Variants in ASIC2 observed in about 807,000 individuals in gnomAD.
The protein encoded by ASIC2 is acid-sensing ion channel 2.
In ASIC2, 25 loss-of-function variants were observed where a neutral mutation model predicts 57.3. That is an observed-to-expected ratio of 0.44 (90% confidence interval 0.32 to 0.61). The LOEUF (loss-of-function observed/expected upper bound fraction) is 0.61, where lower values mean the gene tolerates loss of function less well. Among genes scored for constraint, ASIC2 ranks in the 20% least tolerant of loss-of-function variants. ASIC2 has a pLI of 0.06. For synonymous variants in ASIC2, 319 were observed against 307.5 expected, an observed-to-expected ratio of 1.04 and a Z score of -0.39; for missense variants, 641 against 738.1, an observed-to-expected ratio of 0.87 and a Z score of 1.52.
chr17:33,532,858 C>T (rs550882357), intron 1 of ASIC2, among the ~76,000 whole-genome samples: 1 of 152,170 alleles, frequency 6.6e-6, no homozygotes, highest in East Asian at 1.9e-4. Flanking sequence ...GGACTGGTGG[C>T]AATTTGGGGC....
intron 1 of ASIC2, among the ~76,000 whole-genome samples, chr17:33,575,045 C>T (rs964270448): frequency 2.0e-5 from 3 of 152,108 alleles, no homozygotes; most frequent in Non-Finnish European, 4.4e-5. Flanking sequence ...GATCTTAGTC[C>T]TGGCTCTATC....
intron 1 of ASIC2, among the ~76,000 whole-genome samples, chr17:33,248,678 C>T (rs1391972837): frequency 6.6e-6 from 1 of 152,176 alleles, no homozygotes; most frequent in African/African-American, 2.4e-5. Context: ...CCTCCGGTGG[C>T]TCCAGCATTC....
chr17:33,925,918 C>A (rs566290347), intron 1 of ASIC2, among the ~76,000 whole-genome samples: 2 of 152,294 alleles, frequency 1.3e-5, no homozygotes, highest in East Asian at 3.9e-4. Flanking sequence ...TTTAAAAGAT[C>A]TTAAGAAGTC....
At chr17:33,140,429 T>C (rs1159616046) in intron 1 of ASIC2, among the ~76,000 whole-genome samples, 3 of 152,240 alleles carry the variant, frequency 2.0e-5, no homozygotes, top group Admixed American at 1.3e-4. Context: ...TGATTATCCA[T>C]GTGACTTTGG....
chr17:33,488,762 T>A (rs1597747963), intron 1 of ASIC2, among the ~76,000 whole-genome samples: 1 of 152,212 alleles, frequency 6.6e-6, no homozygotes, highest in Admixed American at 6.5e-5. Flanking sequence ...CCTACCCACA[T>A]TAAGAAGGAG....
At chr17:34,012,851 G>C (rs528276797) in intron 1 of ASIC2, among the ~76,000 whole-genome samples, 2 of 152,280 alleles carry the variant, frequency 1.3e-5, no homozygotes, top group Admixed American at 1.3e-4. Context: ...TCAGAGCCCT[G>C]CTTTTTTCCT....
intron 1 of ASIC2, among the ~76,000 whole-genome samples, chr17:33,887,868 C>T (rs1420890719): frequency 1.3e-5 from 2 of 152,080 alleles, no homozygotes; most frequent in African/African-American, 2.4e-5. Flanking sequence ...CCTTGAATTG[C>T]CATGGTTCTA....
At chr17:33,542,712 T>G (rs1454192311) in intron 1 of ASIC2, among the ~76,000 whole-genome samples, 1 of 122,700 alleles carries the variant, frequency 8.1e-6, no homozygotes, top group Admixed American at 8.6e-5. Flanking sequence ...TTCACTCTGA[T>G]GGTAGTTTCT....
rs1391848661 is a variant in ASIC2 at position 33,014,005 on chromosome 17, A to C, written c.1652T>G (p.Leu551Arg). 6.2e-7 allele frequency: 1 copy of C among 1,604,338 alleles called. No individual in the cohort carries two copies. The highest frequency in any genetic ancestry group is 1.1e-5 in the South Asian group (1 of 88,840). Residue 551 changes from leucine to arginine, a missense_variant, in exon 10 of 10, where the codon CTG (leucine) becomes CGG (arginine). By Grantham distance (102) the Leu-to-Arg change is moderately radical. Transcript: ENST00000225823. ...ETISHTVNVP[L>R]QTTLGTLEEI... is the part of the protein sequence containing the mutation. ...CTCCAAGGTCCCCAGGGTCGTCTGC[A>C]GGGGCACGTTCACAGTGTGACTGAT...
rs71379431 is a variant in ASIC2 at position 33,931,920 on chromosome 17, C to G, written c.555+224058G>C. ...TAATGTTGGCGCTGATTCCAGTAGA[C>G]CTTTAAAAAGGCTCTTTATTCAAGT... is the stretch of plus-strand genomic sequence containing the variant. On this transcript the variant is annotated intron_variant, in intron 1 of 9. Coordinates refer to the ASIC2 transcript ENST00000359872. Among the ~76,000 whole-genome samples, 1,256 of 152,284 alleles carry G rather than the reference C, an allele frequency of 8.2e-3. 22 individuals are homozygous for G. The highest frequency in any genetic ancestry group is 0.028 in the African/African-American group (1,167 of 41,542).
intron 1 of ASIC2, among the ~76,000 whole-genome samples, chr17:33,613,388 T>TC (rs113369680): frequency 7.1e-6 from 1 of 140,612 alleles, no homozygotes; most frequent in African/African-American, 2.6e-5. Context: ...TTTTTTTTTT[T>TC]CCTTCCTGCT....
chr17:33,985,889 CT>C (rs1393640407), intron 1 of ASIC2, among the ~76,000 whole-genome samples: 1 of 152,202 alleles, frequency 6.6e-6, no homozygotes, highest in Non-Finnish European at 1.5e-5. Context: ...ATAGGCATCC[CT>C]CAGCCTCAGG....
intron 1 of ASIC2, among the ~76,000 whole-genome samples, chr17:33,689,345 C>T (rs1908293961): frequency 6.6e-6 from 1 of 152,206 alleles, no homozygotes; most frequent in South Asian, 2.1e-4. Flanking sequence ...ACTGGGATTA[C>T]TGGCACGGGC....
intron 1 of ASIC2, among the ~76,000 whole-genome samples, chr17:33,323,845 T>C (rs951136159): frequency 6.6e-6 from 1 of 151,612 alleles, no homozygotes; most frequent in African/African-American, 2.4e-5. Flanking sequence ...ACGGTAATTA[T>C]AGTTGTAGTT....
rs116699913 is a variant in ASIC2 at position 33,918,160 on chromosome 17, T to C, written c.555+237818A>G. 6.4e-3 allele frequency among the ~76,000 whole-genome samples: 977 copies of C among 152,280 alleles called. 6 individuals are homozygous for C. Among genetic ancestry groups the C allele is most frequent in the African/African-American group, 0.022 (932 of 41,550 alleles). On this transcript the variant is annotated intron_variant, in intron 1 of 9. Transcript: ENST00000359872. ...TTCCAGGAAAATCCTTCTCTCCAAC[T>C]CTGCTTGGCCAAATCTTGTTTATCC...
chr17:33,106,989 C>T (rs932412778), intron 2 of ASIC2, among the ~76,000 whole-genome samples: 1 of 152,172 alleles, frequency 6.6e-6, no homozygotes, highest in Non-Finnish European at 1.5e-5. Flanking sequence ...TGTATCCCTG[C>T]CCCTCCTGCT....
chr17:33,430,892 A>G (rs1319442827), intron 1 of ASIC2, among the ~76,000 whole-genome samples: 1 of 152,204 alleles, frequency 6.6e-6, no homozygotes, highest in Non-Finnish European at 1.5e-5. Context: ...TTAAATGTCC[A>G]TGCACATTGG....
chr17:34,031,025 A>C (rs1907588016), intron 1 of ASIC2, among the ~76,000 whole-genome samples: 1 of 152,242 alleles, frequency 6.6e-6, no homozygotes, highest in Admixed American at 6.5e-5. Flanking sequence ...TGGTTCTCCC[A>C]GCACACAGCT....
At chr17:33,217,641 G>C in intron 1 of ASIC2, among the ~76,000 whole-genome samples, 1 of 152,194 alleles carries the variant, frequency 6.6e-6, no homozygotes, top group East Asian at 1.9e-4. Flanking sequence ...CGTAGAAAGA[G>C]CCCAGACTAA....
Sources: gnomAD v4.1 joint callset for allele counts (sites outside exome capture counted in the v4.1 genomes callset) on GRCh38, gnomAD v4.1.1 for gene constraint, MANE v1.5 for transcripts, NCBI Gene and HGNC (gene_info 2026-07-23, HGNC 2026-07-21) for gene names.